Variants in ATP11C observed in about 807,000 individuals in gnomAD.
The protein encoded by ATP11C is phospholipid-transporting ATPase IG.
In ATP11C, 36 loss-of-function variants were observed where a neutral mutation model predicts 97.4. The ratio of observed to expected loss-of-function variants is 0.37; its 90% confidence interval spans 0.28 to 0.49. ATP11C has a LOEUF of 0.49. Ranked by LOEUF, ATP11C falls within the 20% of genes least tolerant of loss-of-function variation. The pLI is 0.98. For synonymous variants in ATP11C, 275 were observed against 290.9 expected, an observed-to-expected ratio of 0.95 and a Z score of 0.56; for missense variants, 730 against 824.6, an observed-to-expected ratio of 0.89 and a Z score of 1.40.
intron 1 of ATP11C, chrX:139,832,023 T>C (rs1849059889): frequency 1.5e-6 from 1 of 658,484 alleles, no homozygotes; most frequent in Non-Finnish European, 2.2e-6. Context: ...AAAATCCAGC[T>C]AACCATTTAC....
chrX:139,855,602 C>T (rs1603402645), intron 1 of ATP11C, among the ~76,000 whole-genome samples: 1 of 112,169 alleles, frequency 8.9e-6, no homozygotes, highest in East Asian at 2.8e-4. Context: ...AAAAATTTAA[C>T]TCTTTCATCT....
chrX:139,753,903 C>A (rs1311244048), intron 23 of ATP11C, among the ~76,000 whole-genome samples: 1 of 111,027 alleles, frequency 9.0e-6, no homozygotes, highest in Non-Finnish European at 1.9e-5. Context: ...CCCAACATCA[C>A]AACTAGAGGA....
chrX:139,792,886 T>C (rs756808273), intron 12 of ATP11C, among the ~76,000 whole-genome samples: 1 of 112,029 alleles, frequency 8.9e-6, no homozygotes, highest in East Asian at 2.8e-4. Context: ...TTAAGTGTTT[T>C]CCTGACTTCT....
At chrX:139,799,806 C>T (rs1240500432) in intron 8 of ATP11C, among the ~76,000 whole-genome samples, 3 of 108,330 alleles carry the variant, frequency 2.8e-5, no homozygotes, top group African/African-American at 1.0e-4. Flanking sequence ...ATGTGTGCCA[C>T]CACGCCCAGC....
intron 1 of ATP11C, among the ~76,000 whole-genome samples, chrX:139,907,471 G>A (rs1331730782): frequency 2.7e-5 from 3 of 111,521 alleles, no homozygotes; most frequent in Non-Finnish European, 5.6e-5. Context: ...GCTGCTGGCC[G>A]GGCACGGTGG....
rs751428363 is a variant in ATP11C, at chrX:139,731,642, A to T, written c.*3+9T>A. On this transcript the variant is annotated intron_variant, in intron 29 of 29. Transcript: ENST00000682941. ...TTTAAAGCCAGCCCATTTGTTTAAC[A>T]CTAGGTACCTGTTACAATACATTAG... is the stretch of plus-strand genomic sequence containing the variant. 1 of 1,121,246 alleles carries T rather than the reference A, an allele frequency of 8.9e-7. No homozygotes were observed. The highest frequency in any genetic ancestry group is 2.3e-5 in the Admixed American group (1 of 42,752). The allele number at this position is 1,121,246 out of a possible 1,213,427, so 92.4% of individuals were successfully genotyped here. A position where few individuals can be genotyped will look rare whatever the true frequency, so the allele number is the denominator to read the frequency against.
In ATP11C at chrX:139,789,493, A is replaced by C; in HGVS notation, c.1207-5T>G. The C allele has an allele frequency of 1.2e-5, 14 of 1,173,060 alleles. No individual in the cohort carries two copies. Among genetic ancestry groups the C allele is most frequent in the Middle Eastern group, 2.4e-4 (1 of 4,197 alleles). ...ATCTGTAAATACATAATCCACCTAA[A>C]ACAAGGACACAAACATATATTGTTA... On this transcript the variant is annotated splice_polypyrimidine_tract_variant and splice_region_variant and intron_variant, in intron 12 of 29. Coordinates refer to ENST00000682941, the MANE Select transcript of ATP11C (RefSeq NM_001353812.2).
chrX:139,755,474 G>A (rs1004375633), intron 23 of ATP11C, among the ~76,000 whole-genome samples: 8 of 111,771 alleles, frequency 7.2e-5, no homozygotes, highest in Non-Finnish European at 3.8e-5. Context: ...CACAGAATTA[G>A]AAATAAATAT....
intron 1 of ATP11C, among the ~76,000 whole-genome samples, chrX:139,882,145 C>T (rs1162648688): frequency 9.0e-6 from 1 of 110,913 alleles, no homozygotes; most frequent in Non-Finnish European, 1.9e-5. Flanking sequence ...GATTTTTGGT[C>T]CTGTAATAGG....
intron 1 of ATP11C, among the ~76,000 whole-genome samples, chrX:139,909,538 TACACAC>T (rs371406757): frequency 9.3e-6 from 1 of 107,879 alleles, no homozygotes; most frequent in African/African-American, 3.4e-5. Flanking sequence ...ACTAAACACA[TACACAC>T]ACACACACAC....
chrX:139,875,463 T>A (rs976488208), intron 1 of ATP11C, among the ~76,000 whole-genome samples: 2 of 104,312 alleles, frequency 1.9e-5, no homozygotes, highest in Admixed American at 2.1e-4. Flanking sequence ...CTGGGCGAGG[T>A]GGCACACACC....
intron 1 of ATP11C, among the ~76,000 whole-genome samples, chrX:139,851,309 T>C (rs1455662185): frequency 8.9e-6 from 1 of 112,240 alleles, no homozygotes; most frequent in Non-Finnish European, 1.9e-5. Context: ...GTCCATGCCA[T>C]AAACCTTGGT....
chrX:139,748,698 G>C (rs1204731729), intron 24 of ATP11C, among the ~76,000 whole-genome samples: 2 of 111,759 alleles, frequency 1.8e-5, no homozygotes, highest in Non-Finnish European at 3.8e-5. Flanking sequence ...TATAGGATCA[G>C]CAGAACATGT....
At chrX:139,821,079 C>A (rs1205247097) in intron 2 of ATP11C, among the ~76,000 whole-genome samples, 4 of 111,154 alleles carry the variant, frequency 3.6e-5, no homozygotes, top group Non-Finnish European at 7.5e-5. Context: ...ATTTACTAAC[C>A]TTTCAGTTTA....
At chrX:139,918,162 G>A (rs985553980) in intron 1 of ATP11C, among the ~76,000 whole-genome samples, 2 of 111,186 alleles carry the variant, frequency 1.8e-5, no homozygotes, top group Non-Finnish European at 3.8e-5. Flanking sequence ...CCAAAGAATT[G>A]AAAGCACAAT....
At chrX:139,876,069 C>T (rs2084466894) in intron 1 of ATP11C, among the ~76,000 whole-genome samples, 1 of 111,765 alleles carries the variant, frequency 8.9e-6, no homozygotes, top group Non-Finnish European at 1.9e-5. Context: ...AGCCAAACTG[C>T]TGACCTTCAG....
At chrX:139,811,444 A>C (rs951816942) in intron 5 of ATP11C, among the ~76,000 whole-genome samples, 2 of 111,789 alleles carry the variant, frequency 1.8e-5, no homozygotes, top group Non-Finnish European at 3.8e-5. Context: ...CTCTGTCCCT[A>C]AATCTGTTTT....
intron 1 of ATP11C, among the ~76,000 whole-genome samples, chrX:139,888,764 T>C (rs1236983081): frequency 1.8e-5 from 2 of 110,666 alleles, no homozygotes; most frequent in African/African-American, 6.6e-5. Context: ...GATGCTTTTA[T>C]ATATTTACTG....
intron 22 of ATP11C, among the ~76,000 whole-genome samples, chrX:139,759,113 G>GA (rs1349613798): frequency 2.7e-5 from 3 of 111,447 alleles, no homozygotes; most frequent in East Asian, 2.8e-4. Context: ...CACAGTTTAT[G>GA]AAAAAAATAA....
Sources: gnomAD v4.1 joint callset for allele counts (sites outside exome capture counted in the v4.1 genomes callset) on GRCh38, gnomAD v4.1.1 for gene constraint, MANE v1.5 for transcripts, NCBI Gene and HGNC (gene_info 2026-07-23, HGNC 2026-07-21) for gene names.